The following SH3BGRL2 variants were observed in gnomAD, a reference collection of about 807,000 sequenced individuals.
SH3BGRL2 encodes the protein SH3 domain-binding glutamic acid-rich-like protein 2.
SH3BGRL2 carries 21 observed loss-of-function variants against 14.8 expected under a neutral mutation model. That is an observed-to-expected ratio of 1.42 (90% CI 1.01 to 2.05). The LOEUF (loss-of-function observed/expected upper bound fraction) is 2.05, where lower values mean the gene tolerates loss of function less well. Among genes scored for constraint, SH3BGRL2 ranks in the 30% most tolerant of loss-of-function variants. The pLI, the probability that SH3BGRL2 is intolerant of heterozygous loss-of-function variation, is 0.00. For synonymous variants in SH3BGRL2, 50 were observed against 47.8 expected, an observed-to-expected ratio of 1.05 and a Z score of -0.19; for missense variants, 147 against 130.8, an observed-to-expected ratio of 1.12 and a Z score of -0.61.
the SH3BGRL2 span, chr6:79,573,745 AATTAT>A: frequency 6.6e-6 from 1 of 152,202 alleles, no homozygotes. Context: ...TTACTTTAAA[AATTAT>A]ATTGTATAAC....
At chr6:79,671,670 A>C (rs940057535) in intron 1 of SH3BGRL2, among the ~76,000 whole-genome samples, 1 of 152,254 alleles carries the variant, frequency 6.6e-6, no homozygotes, top group South Asian at 2.1e-4. Context: ...AGCCCAGCAC[A>C]TGAAGTGCTC....
chr6:79,658,699 A>G (rs1769474981), intron 1 of SH3BGRL2, among the ~76,000 whole-genome samples: 1 of 152,202 alleles, frequency 6.6e-6, no homozygotes, highest in African/African-American at 2.4e-5. Context: ...CTAGTTCTAG[A>G]TCCTTGAGGA....
the SH3BGRL2 span, among the ~76,000 whole-genome samples, chr6:79,540,752 C>CT: frequency 6.6e-6 from 1 of 151,974 alleles, no homozygotes; most frequent in Non-Finnish European, 1.5e-5. Context: ...ATTTTAAAGA[C>CT]AATATTGAGC....
At chr6:79,622,432 A>T in the SH3BGRL2 span, among the ~76,000 whole-genome samples, 2 of 152,230 alleles carry the variant, frequency 1.3e-5, no homozygotes, top group African/African-American at 4.8e-5. Flanking sequence ...AAACCAGAAC[A>T]GTAATGATAC....
At chr6:79,562,815 CAA>C in the SH3BGRL2 span, among the ~76,000 whole-genome samples, 3 of 151,938 alleles carry the variant, frequency 2.0e-5, no homozygotes, top group Non-Finnish European at 4.4e-5. Flanking sequence ...AAAATCAAAA[CAA>C]AACAAAACTA....
the SH3BGRL2 span, among the ~76,000 whole-genome samples, chr6:79,592,850 C>T: frequency 2.6e-4 from 40 of 152,108 alleles, 1 homozygote; most frequent in African/African-American, 8.5e-4. Context: ...CCAAGAGTTA[C>T]GTGAATTTTC....
chr6:79,610,846 C>T, the SH3BGRL2 span, among the ~76,000 whole-genome samples: 2 of 152,294 alleles, frequency 1.3e-5, no homozygotes, highest in African/African-American at 4.8e-5. Flanking sequence ...TGCATATCAT[C>T]TGACAGATAA....
intron 1 of SH3BGRL2, among the ~76,000 whole-genome samples, chr6:79,651,792 G>T (rs1485408015): frequency 6.6e-6 from 1 of 152,182 alleles, no homozygotes; most frequent in Non-Finnish European, 1.5e-5. Context: ...ATGCTAGTTT[G>T]TGGTGACCGT....
intron 2 of SH3BGRL2, among the ~76,000 whole-genome samples, chr6:79,689,983 T>C (rs987813270): frequency 1.3e-5 from 2 of 152,096 alleles, no homozygotes; most frequent in Non-Finnish European, 2.9e-5. Context: ...AGTTGTTTGT[T>C]TTTGTTTTTG....
At chr6:79,643,140 A>G (rs1461920779) in intron 1 of SH3BGRL2, among the ~76,000 whole-genome samples, 1 of 152,204 alleles carries the variant, frequency 6.6e-6, no homozygotes, top group Non-Finnish European at 1.5e-5. Context: ...CCTACAAACT[A>G]TGATTTCTTA....
intron 2 of SH3BGRL2, among the ~76,000 whole-genome samples, chr6:79,680,739 T>G (rs1302660275): frequency 6.6e-6 from 1 of 151,900 alleles, no homozygotes; most frequent in Non-Finnish European, 1.5e-5. Context: ...CTCCTTTAAT[T>G]TTTTTCAGCA....
the SH3BGRL2 span, among the ~76,000 whole-genome samples, chr6:79,616,163 C>T: frequency 1.3e-5 from 2 of 152,164 alleles, no homozygotes; most frequent in Non-Finnish European, 2.9e-5. Context: ...ATAATGTGGG[C>T]TGAAGTCACC....
intron 1 of SH3BGRL2, among the ~76,000 whole-genome samples, chr6:79,648,690 C>T (rs1321707475): frequency 2.0e-5 from 3 of 151,970 alleles, no homozygotes; most frequent in Non-Finnish European, 4.4e-5. Flanking sequence ...TTTTAGAGCA[C>T]TTGGCACATA....
chr6:79,584,072 T>C, the SH3BGRL2 span, among the ~76,000 whole-genome samples: 7 of 152,208 alleles, frequency 4.6e-5, no homozygotes, highest in African/African-American at 1.7e-4. Context: ...TGAATGAAAA[T>C]AGTCTTGGTT....
At chr6:79,566,771 C>T in the SH3BGRL2 span, among the ~76,000 whole-genome samples, 1 of 151,854 alleles carries the variant, frequency 6.6e-6, no homozygotes, top group Non-Finnish European at 1.5e-5. Context: ...TAAAAACTAG[C>T]TGGGCATGGT....
chr6:79,642,920 G>C (rs908782800), intron 1 of SH3BGRL2, among the ~76,000 whole-genome samples: 18 of 152,246 alleles, frequency 1.2e-4, no homozygotes, highest in African/African-American at 3.4e-4. Flanking sequence ...CATAAGTTGG[G>C]CTGGCAGATG....
At chr6:79,587,555 C>T in the SH3BGRL2 span, among the ~76,000 whole-genome samples, 1 of 152,024 alleles carries the variant, frequency 6.6e-6, no homozygotes, top group Non-Finnish European at 1.5e-5. Context: ...TTTACCCTGC[C>T]AAAATTTTGG....
chr6:79,685,670 A>ACCG (rs1770077622), intron 2 of SH3BGRL2, among the ~76,000 whole-genome samples: 1 of 151,806 alleles, frequency 6.6e-6, no homozygotes, highest in Non-Finnish European at 1.5e-5. Flanking sequence ...AATTATATAA[A>ACCG]TGTATATTAT....
At chr6:79,562,796 T>TA in the SH3BGRL2 span, among the ~76,000 whole-genome samples, 1 of 152,124 alleles carries the variant, frequency 6.6e-6, no homozygotes, top group Non-Finnish European at 1.5e-5. Flanking sequence ...TAAGTTTTTT[T>TA]AAAAACCAAA....
Sources: allele counts gnomAD v4.1 joint callset (sites outside exome capture counted in the v4.1 genomes callset), GRCh38; gene constraint gnomAD v4.1.1; transcripts MANE v1.5; gene names NCBI Gene and HGNC (gene_info 2026-07-23, HGNC 2026-07-21).